DNAAF11: variants seen among roughly 807,000 people sequenced by gnomAD.
DNAAF11 encodes the protein dynein axonemal assembly factor 11, also known as leucine rich repeat containing 6.
A neutral mutation model predicts 60.8 loss-of-function variants in DNAAF11; 45 were observed. The observed-to-expected ratio is 0.74, with a 90% CI of 0.58 to 0.95. The LOEUF (loss-of-function observed/expected upper bound fraction) is 0.95. Among genes scored for constraint, DNAAF11 ranks in the 40% least tolerant of loss-of-function variants. The probability of loss-of-function intolerance (pLI) is 0.00; values close to 1 mark genes in which losing one functional copy is unlikely to be tolerated. For missense variants in DNAAF11, 546 were observed against 546.2 expected, an observed-to-expected ratio of 1.00 and a Z score of 0.00; for synonymous variants, 191 against 183.5, an observed-to-expected ratio of 1.04 and a Z score of -0.33.
chr8:132,669,940 C>CAAAAAAAAAA (rs35402875), intron 1 of DNAAF11, among the ~76,000 whole-genome samples: 1 of 69,784 alleles, frequency 1.4e-5, no homozygotes, highest in African/African-American at 4.0e-5. Context: ...GACTCCGTCT[C>CAAAAAAAAAA]AAAAAAAAAA....
intron 3 of DNAAF11, among the ~76,000 whole-genome samples, chr8:132,644,420 C>T (rs568519432): frequency 5.9e-5 from 9 of 152,262 alleles, no homozygotes; most frequent in South Asian, 2.1e-4. Context: ...CCAGCATGAG[C>T]GACACAGAAG....
the DNAAF11 span, among the ~76,000 whole-genome samples, chr8:132,694,540 G>T: frequency 6.6e-6 from 1 of 152,172 alleles, no homozygotes; most frequent in Non-Finnish European, 1.5e-5. Flanking sequence ...AAGCCACTCA[G>T]TTTATAATAC....
rs1387746525 is a variant in DNAAF11, at chr8:132,637,987, G to A, written c.377C>T (p.Ala126Val). The change falls in exon 4 of 12, where the codon GCT (alanine) becomes GTT (valine). Residue 126 changes from alanine to valine, a missense_variant. Transcript: ENST00000620350. The part of the protein sequence containing the change: ...KELFLMGNPC[A>V]SFDHYREFVV... ...GAACTCCCTATAGTGGTCAAAGGAA[G>A]CACATGGGTTCCCCATGAGAAAGAG... 7 of 1,613,840 alleles carry A rather than the reference G, an allele frequency of 4.3e-6. No individual in the cohort carries two copies. The highest frequency in any genetic ancestry group is 5.9e-6 in the Non-Finnish European group (7 of 1,179,812).
At chr8:132,698,470 C>T in the DNAAF11 span, among the ~76,000 whole-genome samples, 1 of 152,116 alleles carries the variant, frequency 6.6e-6, no homozygotes, top group Non-Finnish European at 1.5e-5. Context: ...CATTCAGTTC[C>T]CTTTGGTACT....
At chr8:132,631,606 C>T (rs1349401010) in intron 5 of DNAAF11, among the ~76,000 whole-genome samples, 1 of 152,086 alleles carries the variant, frequency 6.6e-6, no homozygotes, top group East Asian at 1.9e-4. Context: ...ATGGGATCAA[C>T]ATATATCAAA....
Position 132,632,261 on chromosome 8 carries a change from A to T in DNAAF11, c.653+479T>A, listed in dbSNP as rs578237710. 2.4e-4 allele frequency among the ~76,000 whole-genome samples: 37 copies of T among 152,328 alleles called. No homozygotes were observed. The East Asian group carries it at 2.9e-3, about 12-fold the overall frequency. ...TGCAATTCACTTAAAATAAACAAAC[A>T]TGAAAAATTTAATTTTTAAAAAACC... On this transcript the variant is annotated intron_variant, in intron 5 of 11. Coordinates refer to ENST00000620350, the MANE Select transcript of DNAAF11 (RefSeq NM_012472.6).
At chr8:132,575,172 C>T (rs533383889) in intron 11 of DNAAF11, among the ~76,000 whole-genome samples, 59 of 152,300 alleles carry the variant, frequency 3.9e-4, no homozygotes, top group African/African-American at 1.3e-3. Context: ...CTGGCTCCTA[C>T]CTGCTAAGCT....
chr8:132,661,702 T>G (rs762728086), intron 1 of DNAAF11, 75 bp from the exon 2 acceptor site: 1 of 1,493,520 alleles, frequency 6.7e-7, no homozygotes, highest in Non-Finnish European at 9.3e-7. Flanking sequence ...GTTAACGCAT[T>G]TGTGTTTTTT....
At chr8:132,683,972 A>G in the DNAAF11 span, among the ~76,000 whole-genome samples, 1 of 152,164 alleles carries the variant, frequency 6.6e-6, no homozygotes, top group African/African-American at 2.4e-5. Flanking sequence ...AGTCATCCCC[A>G]TGGCATCCTG....
At chr8:132,578,576 C>A in intron 11 of DNAAF11, 1 of 975,116 alleles carries the variant, frequency 1.0e-6, no homozygotes, top group South Asian at 1.4e-5. Context: ...AAGAAAATGC[C>A]TAAAATTAAT....
chr8:132,596,523 C>T (rs1384816566), intron 10 of DNAAF11, among the ~76,000 whole-genome samples: 1 of 152,144 alleles, frequency 6.6e-6, no homozygotes, highest in Admixed American at 6.6e-5. Context: ...TTTTCTTTTA[C>T]AATCTTGCTA....
intron 10 of DNAAF11, among the ~76,000 whole-genome samples, chr8:132,586,370 T>G (rs1815892073): frequency 0.01 from 1 of 98 alleles, no homozygotes; most frequent in African/African-American, 0.071. Context: ...ATGCGGTTAG[T>G]GCAACTTAAA....
the DNAAF11 span, among the ~76,000 whole-genome samples, chr8:132,695,859 C>A: frequency 6.6e-6 from 1 of 151,980 alleles, no homozygotes; most frequent in Non-Finnish European, 1.5e-5. Context: ...AAGAGAGATA[C>A]AAGGGAATGA....
At position 132,619,084 on chromosome 8, in the gene DNAAF11, A is replaced by G. The variant is rs1241644336; in HGVS notation, c.914+3527T>C. 9.9e-5 allele frequency among the ~76,000 whole-genome samples: 15 copies of G among 152,160 alleles called. No individual in the cohort carries two copies. The East Asian group carries it at 1.7e-3, about 18-fold the overall frequency. Reference sequence around the variant, plus strand: ...CAATGATAGACTGGATTAAGAAAATATGGCACATATACACCATGGAATACT... The same window carrying G: ...CAATGATAGACTGGATTAAGAAAATGTGGCACATATACACCATGGAATACT... On this transcript the variant is annotated intron_variant, in intron 7 of 11. Transcript: ENST00000620350.
chr8:132,586,430 T>C (rs1418928528), intron 10 of DNAAF11, among the ~76,000 whole-genome samples: 1 of 152,224 alleles, frequency 6.6e-6, no homozygotes, highest in Non-Finnish European at 1.5e-5. Context: ...TTTGTTTATT[T>C]AGCAAGAGAG....
At chr8:132,693,946 A>G in the DNAAF11 span, among the ~76,000 whole-genome samples, 1 of 152,306 alleles carries the variant, frequency 6.6e-6, no homozygotes, top group South Asian at 2.1e-4. Flanking sequence ...CTTGAGGGAC[A>G]TGGGAGCAAT....
intron 7 of DNAAF11, among the ~76,000 whole-genome samples, chr8:132,619,556 T>C (rs891093319): frequency 1.3e-5 from 2 of 151,992 alleles, no homozygotes; most frequent in African/African-American, 4.8e-5. Context: ...GGAAATAATA[T>C]GGCTAAGGAA....
chr8:132,642,592 C>G (rs149057644), intron 3 of DNAAF11, among the ~76,000 whole-genome samples: 1 of 152,192 alleles, frequency 6.6e-6, no homozygotes, highest in Non-Finnish European at 1.5e-5. Flanking sequence ...GACTCCACCA[C>G]GCTCAGAGAC....
At chr8:132,658,568 G>A (rs1406700068) in intron 2 of DNAAF11, among the ~76,000 whole-genome samples, 3 of 152,078 alleles carry the variant, frequency 2.0e-5, no homozygotes, top group African/African-American at 4.8e-5. Flanking sequence ...TGATCCAGCC[G>A]CCTTAGCCTC....
Sources: allele counts gnomAD v4.1 joint callset (sites outside exome capture counted in the v4.1 genomes callset), GRCh38; gene constraint gnomAD v4.1.1; transcripts MANE v1.5; gene names NCBI Gene and HGNC (gene_info 2026-07-23, HGNC 2026-07-21).